The following SENP7 variants were observed in gnomAD, a reference collection of about 807,000 sequenced individuals.
SENP7 encodes the protein sentrin-specific protease 7.
SENP7 carries 64 observed loss-of-function variants against 141.2 expected under a neutral mutation model. That is an observed-to-expected ratio of 0.45 (90% CI 0.37 to 0.56). The LOEUF (loss-of-function observed/expected upper bound fraction) is 0.56. Among genes scored for constraint, SENP7 ranks in the 20% least tolerant of loss-of-function variants. The pLI, the probability that SENP7 is intolerant of heterozygous loss-of-function variation, is 0.00. For synonymous variants in SENP7, 382 were observed against 426.4 expected (o/e 0.90, Z 1.28); for missense variants, 1,025 against 1,212.2 (o/e 0.85, Z 2.29).
intron 4 of SENP7, among the ~76,000 whole-genome samples, chr3:101,433,406 GAAAT>G (rs2062260143): frequency 6.7e-6 from 1 of 150,026 alleles, no homozygotes; most frequent in Non-Finnish European, 1.5e-5. Flanking sequence ...AAAATGGCAG[GAAAT>G]AAGTTCTTAC....
rs60283430 is a variant in SENP7, at chr3:101,485,409, A to T, written c.186+8464T>A. Among the ~76,000 whole-genome samples, 1,485 of 152,198 alleles carry T rather than the reference A, an allele frequency of 9.8e-3. 26 individuals are homozygous for T. The highest frequency in any genetic ancestry group is 0.034 in the African/African-American group (1,404 of 41,526). The stretch of plus-strand genomic sequence containing the variant: ...AGGCATTGGTATCCACGGCTGAGAG[A>T]TCCATCGATGACTCACATCACAGGA... On this transcript the variant is annotated intron_variant, in intron 3 of 23. Coordinates refer to ENST00000394095, the MANE Select transcript of SENP7 (RefSeq NM_020654.5).
intron 4 of SENP7, among the ~76,000 whole-genome samples, chr3:101,435,840 C>T (rs2062367954): frequency 6.6e-6 from 1 of 152,040 alleles, no homozygotes; most frequent in Non-Finnish European, 1.5e-5. Context: ...TTAAAATCTC[C>T]ATACCACCCA....
At chr3:101,368,056 G>A (rs749356310) in intron 7 of SENP7, 45 bp from the exon 8 acceptor site, 1 of 1,475,964 alleles carries the variant, frequency 6.8e-7, no homozygotes, top group African/African-American at 1.4e-5. Flanking sequence ...AAAGTATAGA[G>A]AGAATCTCTT....
intron 7 of SENP7, among the ~76,000 whole-genome samples, chr3:101,369,057 CT>C (rs1278958885): frequency 1.3e-5 from 2 of 152,108 alleles, no homozygotes; most frequent in African/African-American, 4.8e-5. Flanking sequence ...GAAGTACTTC[CT>C]TTTTTAAGTC....
In SENP7 at chr3:101,452,718, G is replaced by A. The variant is rs775596688; in HGVS notation, c.284+6237C>T. ...ACACCTTACACAAAAATTAATTCAA[G>A]ATGGATTAAAGACTTACATGTTAGA... On this transcript the variant is annotated intron_variant, in intron 4 of 23. Transcript: ENST00000394095. Among the ~76,000 whole-genome samples, 68 of 152,282 alleles carry A rather than the reference G, an allele frequency of 4.5e-4. No individual in the cohort carries two copies. The East Asian group carries it at 0.01, about 23-fold the overall frequency.
At chr3:101,470,757 G>A (rs1235256057) in intron 3 of SENP7, among the ~76,000 whole-genome samples, 1 of 152,128 alleles carries the variant, frequency 6.6e-6, no homozygotes, top group Non-Finnish European at 1.5e-5. Context: ...AAACCCCATT[G>A]TCTCAGCCCA....
chr3:101,392,997 A>G (rs2060859018), intron 6 of SENP7, among the ~76,000 whole-genome samples: 1 of 152,128 alleles, frequency 6.6e-6, no homozygotes, highest in South Asian at 2.1e-4. Flanking sequence ...AAAAACAAAT[A>G]CATAGACCAA....
chr3:101,498,659 G>A (rs1002210098), intron 2 of SENP7, among the ~76,000 whole-genome samples: 8 of 152,194 alleles, frequency 5.3e-5, no homozygotes, highest in African/African-American at 1.9e-4. Flanking sequence ...AAGGACATTA[G>A]TGAAACTGAA....
At chr3:101,425,895 G>A (rs533839781) in intron 4 of SENP7, among the ~76,000 whole-genome samples, 109 of 152,166 alleles carry the variant, frequency 7.2e-4, no homozygotes, top group African/African-American at 2.3e-3. Flanking sequence ...TAGACCAAGT[G>A]GAGCAAAGAA....
intron 11 of SENP7, among the ~76,000 whole-genome samples, chr3:101,353,492 C>T (rs764837434): frequency 5.9e-5 from 9 of 151,904 alleles, no homozygotes; most frequent in African/African-American, 2.2e-4. Context: ...AGTTAAAACC[C>T]TACTCCCAGC....
intron 9 of SENP7, among the ~76,000 whole-genome samples, 168 bp from the exon 10 acceptor site, chr3:101,365,159 T>C (rs561461572): frequency 6.6e-6 from 1 of 151,800 alleles, no homozygotes; most frequent in Non-Finnish European, 1.5e-5. Context: ...TGCGCCACCA[T>C]GCCCAGCTAA....
chr3:101,493,518 A>G (rs781697964), intron 3 of SENP7, among the ~76,000 whole-genome samples: 1 of 152,248 alleles, frequency 6.6e-6, no homozygotes, highest in African/African-American at 2.4e-5. Context: ...ATATAGTTAT[A>G]TTACTCCTTA....
At chr3:101,400,477 G>C (rs955246613) in intron 5 of SENP7, among the ~76,000 whole-genome samples, 6 of 149,990 alleles carry the variant, frequency 4.0e-5, no homozygotes, top group African/African-American at 1.5e-4. Context: ...GTCACATTTC[G>C]GTAACTCTCA....
intron 4 of SENP7, among the ~76,000 whole-genome samples, chr3:101,445,364 T>C (rs996227795): frequency 1.3e-5 from 2 of 151,910 alleles, no homozygotes; most frequent in African/African-American, 4.8e-5. Flanking sequence ...AAAAAGTATC[T>C]ACCATCATGA....
chr3:101,486,500 G>A (rs1482739469), intron 3 of SENP7, among the ~76,000 whole-genome samples: 2 of 152,110 alleles, frequency 1.3e-5, no homozygotes, highest in East Asian at 3.9e-4. Flanking sequence ...TGTATCCAAC[G>A]AAAGTAAGTA....
At chr3:101,457,326 G>C in intron 4 of SENP7, 1 of 1,415,808 alleles carries the variant, frequency 7.1e-7, no homozygotes. Context: ...AGTAGCAAGT[G>C]GTGCTTTTCC....
intron 4 of SENP7, among the ~76,000 whole-genome samples, chr3:101,421,434 C>A (rs981230390): frequency 6.6e-6 from 1 of 151,988 alleles, no homozygotes; most frequent in Non-Finnish European, 1.5e-5. Flanking sequence ...GTAATTAAGT[C>A]TAATGGAAAA....
intron 3 of SENP7, among the ~76,000 whole-genome samples, chr3:101,490,066 C>A (rs1157848368): frequency 1.3e-5 from 2 of 151,970 alleles, no homozygotes; most frequent in Admixed American, 6.6e-5. Context: ...TGCCTGTAAT[C>A]CCAGCTACTC....
intron 4 of SENP7, among the ~76,000 whole-genome samples, chr3:101,426,806 A>C (rs1424909386): frequency 6.6e-6 from 1 of 152,148 alleles, no homozygotes; most frequent in Non-Finnish European, 1.5e-5. Context: ...TCAGACAAGC[A>C]AATGCTGAGG....
Sources: gnomAD v4.1 joint callset for allele counts (sites outside exome capture counted in the v4.1 genomes callset) on GRCh38, gnomAD v4.1.1 for gene constraint, MANE v1.5 for transcripts, NCBI Gene and HGNC (gene_info 2026-07-23, HGNC 2026-07-21) for gene names.